Variants in FSCN1 observed in about 807,000 individuals in gnomAD.
FSCN1 encodes the protein fascin.
Under a neutral mutation model 39.7 loss-of-function variants are expected in FSCN1, and 10 were observed. The observed-to-expected ratio is 0.25, with a 90% CI of 0.16 to 0.43. FSCN1 has a LOEUF of 0.43. Among genes scored for constraint, FSCN1 ranks in the 20% least tolerant of loss-of-function variants. FSCN1 has a pLI of 1.00. For missense variants in FSCN1, 525 were observed against 723.8 expected, an observed-to-expected ratio of 0.73 and a Z score of 3.15; for synonymous variants, 322 against 320.0, an observed-to-expected ratio of 1.01 and a Z score of -0.07.
At chr7:5,602,428 C>G (rs549021659) in intron 1 of FSCN1, among the ~76,000 whole-genome samples, 15 of 152,080 alleles carry the variant, frequency 9.9e-5, no homozygotes, top group Non-Finnish European at 1.8e-4. Flanking sequence ...GCATGAACCC[C>G]CAGACACGGC....
At chr7:5,601,618 A>G (rs995623047) in intron 1 of FSCN1, among the ~76,000 whole-genome samples, 30 of 152,312 alleles carry the variant, frequency 2.0e-4, no homozygotes, top group African/African-American at 7.2e-4. Context: ...TAGGAGGATC[A>G]TGTGAGGCCG....
At chr7:5,596,301 G>A (rs1044312600) in intron 1 of FSCN1, among the ~76,000 whole-genome samples, 4 of 152,210 alleles carry the variant, frequency 2.6e-5, no homozygotes, top group South Asian at 2.1e-4. Flanking sequence ...AATCATCTCT[G>A]CAGGCCTGCA....
chr7:5,605,661 G>T lies in FSCN1; in HGVS notation c.*187G>T. ...GGACTCCCCACTCTCCCCTCCGCCCGGGTTCCCTACTCCCCTCGGGTCAGC... is the reference window on the plus strand; with the variant it reads ...GGACTCCCCACTCTCCCCTCCGCCCTGGTTCCCTACTCCCCTCGGGTCAGC... On this transcript the variant is annotated 3_prime_UTR_variant, in exon 5 of 5. Coordinates refer to ENST00000382361, the MANE Select transcript of FSCN1 (RefSeq NM_003088.4). This position sits in a 1 kb window ranked among gnomAD's most constrained non-coding sequence, Gnocchi z 6.9. 3.4e-6 allele frequency: 2 copies of T among 585,354 alleles called. No individual in the cohort carries two copies. The highest frequency in any genetic ancestry group is 6.0e-6 in the Non-Finnish European group (2 of 331,294). 36.3% of individuals were successfully genotyped at this position (585,354 alleles called of 1,614,324 possible).
rs1785881257 is a variant in FSCN1, at chr7:5,603,884, T to C, written c.1133T>C (p.Met378Thr). 2 of 1,613,888 alleles carry C rather than the reference T, an allele frequency of 1.2e-6. No individual in the cohort carries two copies. Among genetic ancestry groups the C allele is most frequent in the Non-Finnish European group, 1.7e-6 (2 of 1,179,970 alleles). The change falls in exon 4 of 5, where the codon ATG becomes ACG. Residue 378 changes from methionine to threonine, a missense_variant. Around this residue, in one of 3 missense-constraint regions of FSCN1, gnomAD observed 275 missense variants for 351.9 expected, o/e 0.78. Transcript: ENST00000382361. The surrounding 1 kb of genome is among the most constrained non-coding windows in gnomAD (Gnocchi z 8.5). ...ACAGGGGACTCAGAGCTCTTCCTCA[T>C]GAAGCTCATCAACCGCCCCATCATC... ...ETAGDSELFL[M>T]KLINRPIIVF...
Position 5,606,284 on chromosome 7 carries a change from A to G in FSCN1, c.*810A>G, listed in dbSNP as rs1047489223. The G allele has an allele frequency of 6.6e-6, 1 of 152,060 alleles. No individual in the cohort carries two copies. Among genetic ancestry groups the G allele is most frequent in the Non-Finnish European group, 1.5e-5 (1 of 68,002 alleles). The allele number at this position is 152,060 out of a possible 1,614,324, so 9.4% of individuals were successfully genotyped here. ...AGGCGTCCCAGGCAAGCCTGGCTGT[A>G]GTAGCGAGTGATCTGGCGGGGGGCG... is the stretch of plus-strand genomic sequence containing the variant. On this transcript the variant is annotated 3_prime_UTR_variant, in exon 5 of 5. Coordinates refer to ENST00000382361, the MANE Select transcript of FSCN1 (RefSeq NM_003088.4). The surrounding 1 kb of genome is among the most constrained non-coding windows in gnomAD (Gnocchi z 5.1).
At chr7:5,596,512 C>T (rs1785733167) in intron 1 of FSCN1, among the ~76,000 whole-genome samples, 1 of 152,052 alleles carries the variant, frequency 6.6e-6, no homozygotes, top group Non-Finnish European at 1.5e-5. Flanking sequence ...CCGCCATGCC[C>T]CAGGCTCCTC....
In FSCN1 at chr7:5,593,403, G is replaced by C. The variant is rs1304052777; in HGVS notation, c.467G>C (p.Ser156Thr). Residue 156 changes from serine to threonine, a missense_variant, in exon 1 of 5, where the codon AGC becomes ACC. Around this residue, in one of 3 missense-constraint regions of FSCN1, gnomAD observed 246 missense variants for 350.6 expected, o/e 0.70. Coordinates refer to ENST00000382361, the MANE Select transcript of FSCN1 (RefSeq NM_003088.4). ...ACCCGTAAGCGCTACGCGCACCTGA[G>C]CGCGCGGCCGGCCGACGAGATCGCC... is the stretch of plus-strand genomic sequence containing the variant. ...SVTRKRYAHL[S>T]ARPADEIAVD... 3 of 1,612,242 alleles carry C rather than the reference G, an allele frequency of 1.9e-6. No homozygotes were observed. Among genetic ancestry groups the C allele is most frequent in the Non-Finnish European group, 2.5e-6 (3 of 1,179,772 alleles).
chr7:5,594,048 C>G lies in FSCN1; in HGVS notation c.832+280C>G, dbSNP rs866721657. The G allele has an allele frequency of 4.6e-4, 183 of 397,782 alleles. 3 individuals are homozygous for G. Among genetic ancestry groups the G allele is most frequent in the Admixed American group, 2.4e-3 (52 of 21,818 alleles). The allele number at this position is 397,782 out of a possible 1,614,324, so 24.6% of individuals were successfully genotyped here. A position where few individuals can be genotyped will look rare whatever the true frequency, so the allele number is the denominator to read the frequency against. ...CAACCGTACGTGCACCCTCCTAACC[C>G]CCCCCCCCGCCCAATCTTGGCTCTC... On this transcript the variant is annotated intron_variant, in intron 1 of 4. Transcript: ENST00000382361.
chr7:5,605,189 A>G lies in FSCN1; in HGVS notation c.1280-83A>G, dbSNP rs1785911926. On this transcript the variant is annotated intron_variant, in intron 4 of 4. Transcript: ENST00000382361. This position sits in a 1 kb window ranked among gnomAD's most constrained non-coding sequence, Gnocchi z 6.9. ...TGGAGGGTGGGGCGTCACCCTTGGG[A>G]ACACCCGTGCCCACCCTCCGCTGCC... The G allele has an allele frequency of 9.7e-7, 1 of 1,034,682 alleles. No homozygotes were observed. The highest frequency in any genetic ancestry group is 1.6e-5 in the African/African-American group (1 of 63,714). 64.1% of individuals were successfully genotyped at this position (1,034,682 alleles called of 1,614,324 possible). A position where few individuals can be genotyped will look rare whatever the true frequency, so the allele number is the denominator to read the frequency against.
intron 1 of FSCN1, among the ~76,000 whole-genome samples, chr7:5,595,746 G>C (rs1230156260): frequency 1.3e-5 from 2 of 152,218 alleles, no homozygotes; most frequent in Non-Finnish European, 2.9e-5. Context: ...CCTTGGGTGA[G>C]AGCTTAGTGC....
At chr7:5,593,834 C>A (rs1785678118) in intron 1 of FSCN1, 66 bp downstream of exon 1, 1 of 1,097,174 alleles carries the variant, frequency 9.1e-7, no homozygotes, top group African/African-American at 1.6e-5. Context: ...CCGCGCCCCT[C>A]CAGCCTCCCG....
intron 1 of FSCN1, among the ~76,000 whole-genome samples, chr7:5,597,640 C>T (rs1785753653): frequency 6.6e-6 from 1 of 151,618 alleles, no homozygotes; most frequent in East Asian, 1.9e-4. Context: ...GCACTCCAGC[C>T]TGGGCAACAA....
intron 1 of FSCN1, among the ~76,000 whole-genome samples, chr7:5,595,490 C>T (rs118141028): frequency 0.015 from 2,284 of 152,294 alleles, 26 homozygotes; most frequent in Middle Eastern, 0.051. Flanking sequence ...TTCACGTTCT[C>T]TTGGGGACAT....
Position 5,605,176 on chromosome 7 carries a change from C to G in FSCN1, c.1280-96C>G. 7.0e-6 allele frequency: 6 copies of G among 856,040 alleles called. No individual in the cohort carries two copies. The South Asian group carries it at 7.8e-5, about 11-fold the overall frequency. The allele number at this position is 856,040 out of a possible 1,614,324, so 53.0% of individuals were successfully genotyped here. A position where few individuals can be genotyped will look rare whatever the true frequency, so the allele number is the denominator to read the frequency against. ...CCGGAGCCGGGACTGGAGGGTGGGGCGTCACCCTTGGGAACACCCGTGCCC... is the reference window on the plus strand; with the variant it reads ...CCGGAGCCGGGACTGGAGGGTGGGGGGTCACCCTTGGGAACACCCGTGCCC... On this transcript the variant is annotated intron_variant, in intron 4 of 4. Coordinates refer to ENST00000382361, the MANE Select transcript of FSCN1 (RefSeq NM_003088.4). This position sits in a 1 kb window ranked among gnomAD's most constrained non-coding sequence, Gnocchi z 6.9.
intron 1 of FSCN1, among the ~76,000 whole-genome samples, chr7:5,595,104 C>T (rs998966781): frequency 2.0e-5 from 3 of 152,208 alleles, no homozygotes; most frequent in African/African-American, 4.8e-5. Context: ...TTGGAGATGG[C>T]TGGACGGGAG....
intron 1 of FSCN1, among the ~76,000 whole-genome samples, chr7:5,594,385 C>CCT (rs1201779933): frequency 3.3e-5 from 5 of 152,062 alleles, no homozygotes; most frequent in Non-Finnish European, 7.4e-5. Context: ...GGGTGTCAGC[C>CCT]CTTCCCCCCA....
At position 5,593,315 on chromosome 7, in the gene FSCN1, T is replaced by C. The variant is rs1003160923; in HGVS notation, c.379T>C (p.Ser127Pro). The C allele has an allele frequency of 6.2e-7, 1 of 1,610,918 alleles. No homozygotes were observed. Among genetic ancestry groups the C allele is most frequent in the Non-Finnish European group, 8.5e-7 (1 of 1,179,224 alleles). ...DRLSCFAQTV[S>P]PAEKWSVHIA... Reference sequence around the variant, plus strand: ...CCTGTCCTGCTTCGCGCAGACGGTGTCCCCCGCCGAGAAGTGGAGCGTGCA... The same window carrying C: ...CCTGTCCTGCTTCGCGCAGACGGTGCCCCCCGCCGAGAAGTGGAGCGTGCA... The change falls in exon 1 of 5, where the codon TCC (serine) becomes CCC (proline). Residue 127 changes from serine to proline, a missense_variant. Ser to Pro is a moderately conservative substitution (Grantham distance 74, BLOSUM62 -1). Around this residue, in one of 3 missense-constraint regions of FSCN1, gnomAD observed 246 missense variants for 350.6 expected, o/e 0.70. Transcript: ENST00000382361.
intron 1 of FSCN1, among the ~76,000 whole-genome samples, chr7:5,600,401 G>A (rs1383594197): frequency 2.0e-5 from 3 of 151,964 alleles, no homozygotes; most frequent in Non-Finnish European, 4.4e-5. Flanking sequence ...GAGACACAGC[G>A]AGACTCTCTT....
At chr7:5,601,483 G>A (rs1388028078) in intron 1 of FSCN1, among the ~76,000 whole-genome samples, 11 of 152,192 alleles carry the variant, frequency 7.2e-5, no homozygotes, top group East Asian at 3.9e-4. Flanking sequence ...GATTACAGGC[G>A]TGAGCCGCCG....
Sources: allele counts gnomAD v4.1 joint callset (sites outside exome capture counted in the v4.1 genomes callset), GRCh38; gene constraint gnomAD v4.1.1; regional missense constraint gnomAD v4.1.1; non-coding constraint Gnocchi (gnomAD v3.1); transcripts MANE v1.5; gene names NCBI Gene and HGNC (gene_info 2026-07-23, HGNC 2026-07-21).